Variants in THRB observed in about 807,000 individuals in gnomAD.
The protein encoded by THRB is nuclear receptor subfamily 1 group A member 2.
Under a neutral mutation model 47.8 loss-of-function variants are expected in THRB, and 12 were observed. That is an observed-to-expected ratio of 0.25 (90% confidence interval 0.16 to 0.41). The LOEUF is 0.41. Among genes scored for constraint, THRB ranks in the 10% least tolerant of loss-of-function variants. The probability of loss-of-function intolerance (pLI) is 1.00; values close to 1 mark genes in which losing one functional copy is unlikely to be tolerated. For missense variants in THRB, 348 were observed against 589.2 expected (o/e 0.59, Z 4.24); for synonymous variants, 218 against 212.2 (o/e 1.03, Z -0.24).
In THRB at chr3:24,272,282, G is replaced by A. The variant is rs188602062; in HGVS notation, c.-43+24944C>T. ...TATCACTAGAGCCCAGGAGGTTGAG[G>A]CAACAGTGAGTAGTGATCGCACCAC... is the stretch of plus-strand genomic sequence containing the variant. On this transcript the variant is annotated intron_variant, in intron 3 of 10. Transcript: ENST00000646209. Among the ~76,000 whole-genome samples the A allele has an allele frequency of 3.9e-5, 6 of 152,058 alleles. No homozygotes were observed. In the East Asian group the frequency reaches 1.2e-3, roughly 29 times the overall value.
chr3:24,371,584 G>C (rs2064915357), intron 1 of THRB, among the ~76,000 whole-genome samples: 1 of 152,104 alleles, frequency 6.6e-6, no homozygotes, highest in African/African-American at 2.4e-5. Flanking sequence ...CCACATCCTA[G>C]TGTGGATGAG....
intron 1 of THRB, among the ~76,000 whole-genome samples, chr3:24,399,002 C>T (rs1245099829): frequency 1.3e-5 from 2 of 151,886 alleles, no homozygotes; most frequent in African/African-American, 4.8e-5. Context: ...ACCGTATGTT[C>T]TCACTCATAG....
intron 1 of THRB, among the ~76,000 whole-genome samples, chr3:24,378,636 G>T (rs887556922): frequency 6.6e-6 from 1 of 152,142 alleles, no homozygotes; most frequent in African/African-American, 2.4e-5. Flanking sequence ...CTCTTTAGAA[G>T]GGGAGCAGTT....
At chr3:24,466,683 C>A (rs1397090693) in intron 1 of THRB, among the ~76,000 whole-genome samples, 1 of 152,094 alleles carries the variant, frequency 6.6e-6, no homozygotes, top group African/African-American at 2.4e-5. Context: ...TGTGTTTATA[C>A]TATAGTGTAG....
chr3:24,277,130 T>C (rs1179384117), intron 3 of THRB, among the ~76,000 whole-genome samples: 1 of 152,164 alleles, frequency 6.6e-6, no homozygotes, highest in African/African-American at 2.4e-5. Context: ...GGGTTGGAAG[T>C]TGGTCTGGAA....
intron 2 of THRB, among the ~76,000 whole-genome samples, chr3:24,301,764 A>G (rs752585805): frequency 9.2e-5 from 14 of 152,222 alleles, no homozygotes; most frequent in Non-Finnish European, 2.1e-4. Flanking sequence ...GGGACTTTGC[A>G]GATGTGATTA....
intron 5 of THRB, among the ~76,000 whole-genome samples, chr3:24,162,907 A>G (rs2039092882): frequency 6.6e-6 from 1 of 152,210 alleles, no homozygotes; most frequent in Non-Finnish European, 1.5e-5. Flanking sequence ...CCTTAAAAAA[A>G]TAAAGAAAAA....
intron 10 of THRB, among the ~76,000 whole-genome samples, chr3:24,124,482 G>A (rs920215812): frequency 2.6e-5 from 4 of 152,170 alleles, no homozygotes; most frequent in Non-Finnish European, 5.9e-5. Context: ...AAAATATAAT[G>A]TGGGTTTTGT....
intron 10 of THRB, among the ~76,000 whole-genome samples, chr3:24,126,401 C>G (rs943622989): frequency 6.6e-6 from 1 of 152,106 alleles, no homozygotes; most frequent in Non-Finnish European, 1.5e-5. Flanking sequence ...AAAAAAATTT[C>G]CTACTGAGTT....
rs114175885 is a variant in THRB at position 24,163,238 on chromosome 3, T to C, written c.284-10748A>G. On this transcript the variant is annotated intron_variant, in intron 5 of 10. Coordinates refer to ENST00000646209, the MANE Select transcript of THRB (RefSeq NM_001354712.2). Reference sequence around the variant, plus strand: ...ACTTGTAAAAGTAAATAATGGTGCATTTAAGAATATTTGCCTGTTTTGATT... The same window carrying C: ...ACTTGTAAAAGTAAATAATGGTGCACTTAAGAATATTTGCCTGTTTTGATT... Among the ~76,000 whole-genome samples, 1,488 of 152,334 alleles carry C rather than the reference T, an allele frequency of 9.8e-3. 19 individuals are homozygous for C. The highest frequency in any genetic ancestry group is 0.02 in the South Asian group (99 of 4,830).
At chr3:24,212,425 A>C (rs559633826) in intron 4 of THRB, among the ~76,000 whole-genome samples, 1 of 147,676 alleles carries the variant, frequency 6.8e-6, no homozygotes, top group Non-Finnish European at 1.5e-5. Flanking sequence ...CAAAAAACGA[A>C]ACGAAAATTA....
At chr3:24,266,672 G>A (rs1443630241) in intron 3 of THRB, among the ~76,000 whole-genome samples, 2 of 152,070 alleles carry the variant, frequency 1.3e-5, no homozygotes, top group Non-Finnish European at 2.9e-5. Context: ...CAGGTCCCCA[G>A]CAAAGGCAAC....
chr3:24,342,235 T>C, intron 1 of THRB, among the ~76,000 whole-genome samples: 1 of 151,324 alleles, frequency 6.6e-6, no homozygotes, highest in Non-Finnish European at 1.5e-5. Context: ...ACACCAGCTG[T>C]ATCAATCAGG....
intron 1 of THRB, among the ~76,000 whole-genome samples, chr3:24,401,613 T>C (rs577021526): frequency 3.2e-4 from 49 of 152,158 alleles, no homozygotes; most frequent in Non-Finnish European, 4.9e-4. Context: ...AATGAGGATA[T>C]AGTTTTAAGT....
chr3:24,285,137 G>A (rs1013427873), intron 3 of THRB, among the ~76,000 whole-genome samples: 18 of 149,668 alleles, frequency 1.2e-4, no homozygotes, highest in African/African-American at 3.9e-4. Context: ...GCACACATAT[G>A]TTTATTGCGG....
At chr3:24,251,765 A>C (rs1304171892) in intron 3 of THRB, among the ~76,000 whole-genome samples, 1 of 152,080 alleles carries the variant, frequency 6.6e-6, no homozygotes, top group African/African-American at 2.4e-5. Flanking sequence ...AAAATTATTT[A>C]AACTGTTTGA....
At chr3:24,127,144 C>T (rs1559399075) in intron 10 of THRB, among the ~76,000 whole-genome samples, 1 of 152,192 alleles carries the variant, frequency 6.6e-6, no homozygotes. Context: ...GAACTTAACA[C>T]ACAATCGTGT....
chr3:24,412,572 C>T (rs938648620), intron 1 of THRB, among the ~76,000 whole-genome samples: 2 of 151,780 alleles, frequency 1.3e-5, no homozygotes, highest in African/African-American at 4.8e-5. Flanking sequence ...AATGCACTGG[C>T]TCTCCAAATA....
rs562642372 is a variant in THRB, at chr3:24,149,367, C to T, written c.385-2545G>A. 2.0e-4 allele frequency among the ~76,000 whole-genome samples: 31 copies of T among 152,270 alleles called. 1 individual carries two copies. Among genetic ancestry groups the T allele is most frequent in the Non-Finnish European group, 3.1e-4 (21 of 68,022 alleles). On this transcript the variant is annotated intron_variant, in intron 6 of 10. Transcript: ENST00000646209. The stretch of plus-strand genomic sequence containing the variant: ...TATCTGAAGTTGGGGAGACCCTTGT[C>T]TCCCTCATACTCTGATGCTGACTCA...
Sources: allele counts gnomAD v4.1 joint callset (sites outside exome capture counted in the v4.1 genomes callset), GRCh38; gene constraint gnomAD v4.1.1; transcripts MANE v1.5; gene names NCBI Gene and HGNC (gene_info 2026-07-23, HGNC 2026-07-21).